The following STARD13 variants were observed in gnomAD, a reference collection of about 807,000 sequenced individuals.
STARD13 encodes stAR-related lipid transfer protein 13.
In STARD13, 62 loss-of-function variants were observed where a neutral mutation model predicts 106.4. The observed-to-expected ratio is 0.58, with a 90% CI of 0.48 to 0.72. STARD13 has a LOEUF of 0.72. Among genes scored for constraint, STARD13 ranks in the 30% least tolerant of loss-of-function variants. The probability of loss-of-function intolerance (pLI) is 0.00; values close to 1 mark genes in which losing one functional copy is unlikely to be tolerated. For synonymous variants in STARD13, 565 were observed against 553.0 expected, an observed-to-expected ratio of 1.02 and a Z score of -0.31; for missense variants, 1,387 against 1,424.0, an observed-to-expected ratio of 0.97 and a Z score of 0.42.
the STARD13 span, among the ~76,000 whole-genome samples, chr13:33,517,963 C>A: frequency 2.0e-5 from 3 of 152,086 alleles, no homozygotes; most frequent in African/African-American, 7.2e-5. Flanking sequence ...TTCTCCTCCT[C>A]TACATCTGCT....
At chr13:33,442,085 A>T in the STARD13 span, among the ~76,000 whole-genome samples, 1,570 of 152,380 alleles carry the variant, frequency 0.01, 10 homozygotes, top group Non-Finnish European at 0.017. Context: ...GAGTAAACTT[A>T]GAAAGTAAAA....
chr13:33,631,048 G>A, the STARD13 span, among the ~76,000 whole-genome samples: 2,144 of 152,268 alleles, frequency 0.014, 44 homozygotes, highest in African/African-American at 0.046. Flanking sequence ...CCCATGTTCT[G>A]CTGTCAGCCC....
the STARD13 span, among the ~76,000 whole-genome samples, chr13:33,473,012 A>G: frequency 6.6e-6 from 1 of 152,180 alleles, no homozygotes. Context: ...ATAAACATAC[A>G]CTGAAATAAA....
At chr13:33,495,057 C>A in the STARD13 span, among the ~76,000 whole-genome samples, 3 of 152,202 alleles carry the variant, frequency 2.0e-5, no homozygotes, top group African/African-American at 7.2e-5. Flanking sequence ...TACACTTCCG[C>A]TAGCTCTGGG....
At chr13:33,621,893 C>T in the STARD13 span, among the ~76,000 whole-genome samples, 1 of 151,338 alleles carries the variant, frequency 6.6e-6, no homozygotes, top group Non-Finnish European at 1.5e-5. Flanking sequence ...CAACCTCCCC[C>T]TCCCGGGTTC....
At chr13:33,613,741 G>A in the STARD13 span, among the ~76,000 whole-genome samples, 3 of 152,202 alleles carry the variant, frequency 2.0e-5, no homozygotes, top group African/African-American at 4.8e-5. Flanking sequence ...TTCAGTGGAC[G>A]TGGGAGCCAC....
At chr13:33,133,946 T>C (rs1878704097) in intron 4 of STARD13, among the ~76,000 whole-genome samples, 1 of 148,812 alleles carries the variant, frequency 6.7e-6, no homozygotes, top group Admixed American at 6.8e-5. Flanking sequence ...TTTCATCTGT[T>C]TGATAATTTT....
At chr13:33,528,226 G>GTGTGTGTATA in the STARD13 span, among the ~76,000 whole-genome samples, 18 of 101,002 alleles carry the variant, frequency 1.8e-4, no homozygotes, top group African/African-American at 9.0e-4. Context: ...GTGTGTGTGT[G>GTGTGTGTATA]TATATATATA....
chr13:33,215,127 G>GT (rs201847713), intron 1 of STARD13, among the ~76,000 whole-genome samples: 2,595 of 123,152 alleles, frequency 0.021, 122 homozygotes, highest in African/African-American at 0.075. Flanking sequence ...CTTGGGGGGG[G>GT]GGGTGGGGGG....
At chr13:33,195,825 C>A (rs1257776295) in intron 1 of STARD13, among the ~76,000 whole-genome samples, 1 of 152,128 alleles carries the variant, frequency 6.6e-6, no homozygotes, top group Non-Finnish European at 1.5e-5. Flanking sequence ...AGTTAATAAA[C>A]CCTCTGAGCC....
At chr13:33,421,823 A>G in the STARD13 span, among the ~76,000 whole-genome samples, 1 of 152,214 alleles carries the variant, frequency 6.6e-6, no homozygotes, top group African/African-American at 2.4e-5. Context: ...TACATCACAT[A>G]AACAGATCCA....
At chr13:33,181,458 G>C (rs1003815105) in intron 1 of STARD13, among the ~76,000 whole-genome samples, 1 of 152,164 alleles carries the variant, frequency 6.6e-6, no homozygotes, top group African/African-American at 2.4e-5. Context: ...TTAGCCTAGA[G>C]TCTTGTAAAT....
At chr13:33,502,917 C>G in the STARD13 span, among the ~76,000 whole-genome samples, 3 of 152,146 alleles carry the variant, frequency 2.0e-5, no homozygotes, top group Non-Finnish European at 2.9e-5. Flanking sequence ...AGGGAGGATT[C>G]CCTCTTTTTC....
At chr13:33,152,752 T>A (rs1460681996) in intron 3 of STARD13, among the ~76,000 whole-genome samples, 2 of 152,210 alleles carry the variant, frequency 1.3e-5, no homozygotes, top group African/African-American at 4.8e-5. Context: ...AGCTGGAGGA[T>A]CCTTGGGCCT....
chr13:33,196,937 T>C (rs1237433398), intron 1 of STARD13, among the ~76,000 whole-genome samples: 1 of 152,214 alleles, frequency 6.6e-6, no homozygotes, highest in East Asian at 1.9e-4. Context: ...GACTTTGGCC[T>C]TTATGACTTG....
the STARD13 span, among the ~76,000 whole-genome samples, chr13:33,489,519 T>C: frequency 6.6e-6 from 1 of 152,214 alleles, no homozygotes; most frequent in South Asian, 2.1e-4. Context: ...AAATTAAATG[T>C]TACTTTTATG....
At chr13:33,351,208 T>C (rs187102424), upstream of STARD13, among the ~76,000 whole-genome samples, 31 of 152,228 alleles carry the variant, frequency 2.0e-4, no homozygotes, top group African/African-American at 7.2e-4. Flanking sequence ...AGGAGAAAAA[T>C]AACTTTAAAA....
chr13:33,465,599 G>T, the STARD13 span, among the ~76,000 whole-genome samples: 2 of 152,220 alleles, frequency 1.3e-5, no homozygotes, highest in East Asian at 3.9e-4. Flanking sequence ...AGGTTCCCAT[G>T]GCATTCAGGA....
At chr13:33,519,721 G>C in the STARD13 span, among the ~76,000 whole-genome samples, 1 of 152,048 alleles carries the variant, frequency 6.6e-6, no homozygotes, top group African/African-American at 2.4e-5. Context: ...CTTAATCTCT[G>C]TTCCAACTTC....
Sources: allele counts gnomAD v4.1 joint callset (sites outside exome capture counted in the v4.1 genomes callset), GRCh38; gene constraint gnomAD v4.1.1; transcripts MANE v1.5; gene names NCBI Gene and HGNC (gene_info 2026-07-23, HGNC 2026-07-21).